PTPRD: variants seen among roughly 807,000 people sequenced by gnomAD.
PTPRD encodes the protein receptor-type tyrosine-protein phosphatase delta.
PTPRD carries 34 observed loss-of-function variants against 214.5 expected under a neutral mutation model. That is an observed-to-expected ratio of 0.16 (90% CI 0.12 to 0.21). PTPRD has a LOEUF of 0.21. Among genes scored for constraint, PTPRD ranks in the 10% least tolerant of loss-of-function variants. PTPRD has a pLI of 1.00. For missense variants in PTPRD, 2,545 were observed against 2,398.7 expected, an observed-to-expected ratio of 1.06 and a Z score of -1.27; for synonymous variants, 1,128 against 845.7, an observed-to-expected ratio of 1.33 and a Z score of -5.79.
At chr9:8,388,041 A>G (rs907128749) in intron 37 of PTPRD, among the ~76,000 whole-genome samples, 1 of 152,220 alleles carries the variant, frequency 6.6e-6, no homozygotes, top group Admixed American at 6.5e-5. Flanking sequence ...CAACATCTCT[A>G]TACAATTCAG....
intron 14 of PTPRD, among the ~76,000 whole-genome samples, chr9:8,620,859 A>C (rs570439654): frequency 6.6e-6 from 1 of 152,038 alleles, no homozygotes; most frequent in Non-Finnish European, 1.5e-5. Context: ...TGAGACTCAC[A>C]TTCAAGTGCT....
intron 3 of PTPRD, among the ~76,000 whole-genome samples, chr9:10,288,759 C>A (rs1596246754): frequency 6.6e-6 from 1 of 152,054 alleles, no homozygotes; most frequent in Non-Finnish European, 1.5e-5. Context: ...TTTACAAATT[C>A]TAAAATATAG....
intron 14 of PTPRD, among the ~76,000 whole-genome samples, chr9:8,552,797 T>C (rs911787131): frequency 6.6e-6 from 1 of 152,218 alleles, no homozygotes; most frequent in Non-Finnish European, 1.5e-5. Flanking sequence ...TATGACTTGC[T>C]TTTGACAATG....
chr9:9,790,326 G>A (rs747299661), intron 5 of PTPRD, among the ~76,000 whole-genome samples: 4 of 152,100 alleles, frequency 2.6e-5, no homozygotes, highest in Admixed American at 6.5e-5. Context: ...GTTTCCTGCC[G>A]CTGAAAGCCA....
At chr9:9,467,325 C>T (rs897629651) in intron 8 of PTPRD, among the ~76,000 whole-genome samples, 1 of 148,334 alleles carries the variant, frequency 6.7e-6, no homozygotes, top group Non-Finnish European at 1.5e-5. Context: ...TGGTGGCTCA[C>T]ACCTGTAATC....
intron 9 of PTPRD, among the ~76,000 whole-genome samples, chr9:9,361,773 T>C (rs557742644): frequency 6.6e-6 from 1 of 151,168 alleles, no homozygotes; most frequent in Non-Finnish European, 1.5e-5. Flanking sequence ...CATGTCCACA[T>C]GGAAGATTAG....
At chr9:10,552,631 C>G (rs1188237731) in intron 2 of PTPRD, among the ~76,000 whole-genome samples, 10 of 152,174 alleles carry the variant, frequency 6.6e-5, no homozygotes, top group Non-Finnish European at 1.3e-4. Flanking sequence ...TTCCTCTCTC[C>G]AACTTCCATT....
intron 8 of PTPRD, among the ~76,000 whole-genome samples, chr9:9,545,736 C>T (rs900529319): frequency 6.6e-6 from 1 of 151,658 alleles, no homozygotes; most frequent in Admixed American, 6.6e-5. Context: ...TCTTGAAGTT[C>T]GCTGATGTCA....
chr9:9,954,439 C>T (rs948808121), intron 4 of PTPRD, among the ~76,000 whole-genome samples: 2 of 148,504 alleles, frequency 1.3e-5, no homozygotes, highest in Admixed American at 6.7e-5. Context: ...TAACTTTAAA[C>T]ATGTTGTTTT....
At chr9:10,304,405 C>A (rs1414202634) in intron 3 of PTPRD, among the ~76,000 whole-genome samples, 1 of 152,132 alleles carries the variant, frequency 6.6e-6, no homozygotes, top group Non-Finnish European at 1.5e-5. Flanking sequence ...ATTGGAAGTT[C>A]TGGCCGGTGA....
intron 39 of PTPRD, among the ~76,000 whole-genome samples, chr9:8,374,699 G>C (rs2082699035): frequency 6.6e-6 from 1 of 151,982 alleles, no homozygotes; most frequent in Admixed American, 6.6e-5. Context: ...AAGCATAGGG[G>C]AGTGCTTTGA....
intron 11 of PTPRD, among the ~76,000 whole-genome samples, chr9:8,810,575 G>C (rs757332899): frequency 3.3e-5 from 5 of 152,104 alleles, no homozygotes; most frequent in Admixed American, 6.5e-5. Flanking sequence ...GATTGGGCTT[G>C]GGTTATCGAA....
intron 35 of PTPRD, among the ~76,000 whole-genome samples, chr9:8,434,491 A>G (rs1279767390): frequency 1.3e-5 from 2 of 152,140 alleles, no homozygotes; most frequent in Non-Finnish European, 2.9e-5. Flanking sequence ...ACATTTCTCC[A>G]AAGGTATCCC....
intron 7 of PTPRD, among the ~76,000 whole-genome samples, chr9:9,602,933 TA>T (rs1282614443): frequency 6.6e-6 from 1 of 152,130 alleles, no homozygotes; most frequent in Non-Finnish European, 1.5e-5. Flanking sequence ...TGATCCTGGA[TA>T]AAATTATTTT....
At chr9:10,096,032 G>C (rs575312066) in intron 3 of PTPRD, among the ~76,000 whole-genome samples, 2 of 151,476 alleles carry the variant, frequency 1.3e-5, no homozygotes, top group Non-Finnish European at 3.0e-5. Context: ...CCACATCTGA[G>C]GAGACTTTGA....
At chr9:9,693,785 T>C (rs193138384) in intron 7 of PTPRD, among the ~76,000 whole-genome samples, 57 of 152,304 alleles carry the variant, frequency 3.7e-4, no homozygotes, top group South Asian at 4.1e-4. Context: ...TTTTTAATAT[T>C]CTCTTTGCTT....
chr9:8,835,975 T>G (rs1193129287), intron 11 of PTPRD, among the ~76,000 whole-genome samples: 2 of 152,216 alleles, frequency 1.3e-5, no homozygotes, highest in Non-Finnish European at 2.9e-5. Context: ...GCATCCTCAG[T>G]GCCTGGATCC....
At chr9:10,062,674 T>A (rs1349029087) in intron 3 of PTPRD, among the ~76,000 whole-genome samples, 1 of 151,400 alleles carries the variant, frequency 6.6e-6, no homozygotes, top group Admixed American at 6.6e-5. Flanking sequence ...CCGATAGCAC[T>A]TAGGGAGAGG....
At chr9:9,715,055 T>C (rs1258710357) in intron 7 of PTPRD, among the ~76,000 whole-genome samples, 1 of 152,196 alleles carries the variant, frequency 6.6e-6, no homozygotes, top group Non-Finnish European at 1.5e-5. Flanking sequence ...TGTGGTTTCG[T>C]AGAGAAGAAA....
Sources: allele counts gnomAD v4.1 joint callset (sites outside exome capture counted in the v4.1 genomes callset), GRCh38; gene constraint gnomAD v4.1.1; transcripts MANE v1.5; gene names NCBI Gene and HGNC (gene_info 2026-07-23, HGNC 2026-07-21).